The following ASXL1 variants were observed in gnomAD, a reference collection of about 807,000 sequenced individuals.
ASXL1 encodes ASXL transcriptional regulator 1, also known as polycomb group protein ASXL1.
Under a neutral mutation model 89.1 loss-of-function variants are expected in ASXL1, and 65 were observed. The ratio of observed to expected loss-of-function variants is 0.73; its 90% CI spans 0.60 to 0.90. The LOEUF (loss-of-function observed/expected upper bound fraction) is 0.90. Among genes scored for constraint, ASXL1 ranks in the 40% least tolerant of loss-of-function variants. ASXL1 has a pLI of 0.00. For missense variants in ASXL1, 1,786 were observed against 1,942.9 expected (o/e 0.92, Z 1.52); for synonymous variants, 739 against 746.9 (o/e 0.99, Z 0.17).
intron 4 of ASXL1, among the ~76,000 whole-genome samples, chr20:32,384,765 C>T (rs575708062): frequency 1.3e-5 from 2 of 152,050 alleles, no homozygotes; most frequent in African/African-American, 4.8e-5. Context: ...GGTCAAGTAG[C>T]AGTAGTTTGA....
At chr20:32,373,648 CT>C (rs1463005844) in intron 4 of ASXL1, among the ~76,000 whole-genome samples, 2 of 152,104 alleles carry the variant, frequency 1.3e-5, no homozygotes, top group Non-Finnish European at 2.9e-5. Flanking sequence ...GGGTGGATCA[CT>C]TGAGGTCAGG....
In ASXL1 at chr20:32,431,396, G is replaced by A. The variant is rs144349534; in HGVS notation, c.794G>A (p.Arg265His). 3.8e-5 allele frequency: 61 copies of A among 1,614,046 alleles called. No homozygotes were observed. The highest frequency in any genetic ancestry group is 4.4e-5 in the Non-Finnish European group (52 of 1,180,034). Reference sequence around the variant, plus strand: ...TCCATTCTTGTCAACACCAACCTCCGTGCCCTGATCAACTCTCGGACCTTC... The same window carrying A: ...TCCATTCTTGTCAACACCAACCTCCATGCCCTGATCAACTCTCGGACCTTC... ...PGSILVNTNL[R>H]ALINSRTFHA... Residue 265 changes from arginine (R) to histidine (H), a missense_variant, in exon 9 of 13, where the codon CGT becomes CAT. Transcript: ENST00000375687.
Position 32,407,217 on chromosome 20 carries a change from A to G in ASXL1, c.253-20911A>G, listed in dbSNP as rs371979919. On this transcript the variant is annotated intron_variant, in intron 4 of 12. Transcript: ENST00000375687. Reference sequence around the variant, plus strand: ...AAATTAGCTGGGTGTGGTGGAGGGTACCTGTAATTCCAGCTACTCAGAAGG... The same window carrying G: ...AAATTAGCTGGGTGTGGTGGAGGGTGCCTGTAATTCCAGCTACTCAGAAGG... 1.5e-4 allele frequency among the ~76,000 whole-genome samples: 23 copies of G among 152,030 alleles called. No homozygotes were observed. The East Asian group carries it at 4.1e-3, about 27-fold the overall frequency.
rs150135519 is a variant in ASXL1 at position 32,403,401 on chromosome 20, A to G, written c.253-24727A>G. On this transcript the variant is annotated intron_variant, in intron 4 of 12. Transcript: ENST00000375687. ...GCTATTCTGGTTTCTTTGTCTTTAC[A>G]TGGAAATTTTATTTATTTATTATTT... Among the ~76,000 whole-genome samples, 1,515 of 152,150 alleles carry G rather than the reference A, an allele frequency of 1.0e-2. 28 individuals are homozygous for G. Among genetic ancestry groups the G allele is most frequent in the African/African-American group, 0.035 (1,453 of 41,496 alleles).
rs2011824514 is a variant in ASXL1 at position 32,435,919 on chromosome 20, A to G, written c.3207A>G (p.Val1069=). The part of the protein sequence containing the change: ...MVAPQSWVSR[V]CAVRQKIPDS... ...CTCCTCAGAGCTGGGTGTCTCGAGT[A>G]TGTGCGGTCCGCCAAAAGATCCCAG... Residue 1069 remains valine (V), a synonymous_variant, in exon 13 of 13, where the codon GTA becomes GTG. Transcript: ENST00000375687. 1 of 1,614,080 alleles carries G rather than the reference A, an allele frequency of 6.2e-7. No homozygotes were observed. Among genetic ancestry groups the G allele is most frequent in the African/African-American group, 1.3e-5 (1 of 74,934 alleles).
intron 4 of ASXL1, among the ~76,000 whole-genome samples, chr20:32,380,809 G>A (rs1026493377): frequency 6.6e-6 from 1 of 152,170 alleles, no homozygotes; most frequent in Non-Finnish European, 1.5e-5. Flanking sequence ...AGAAAAGAAT[G>A]ACTGGAGTAA....
intron 8 of ASXL1, chr20:32,430,974 AT>A (rs2011496077): frequency 2.1e-6 from 1 of 486,488 alleles, no homozygotes; most frequent in African/African-American, 1.9e-5. Flanking sequence ...GATAATTCTC[AT>A]GATTTCTCCA....
intron 4 of ASXL1, chr20:32,427,789 A>G (rs1417261648): frequency 5.4e-6 from 2 of 367,598 alleles, no homozygotes; most frequent in Non-Finnish European, 1.1e-5. Context: ...TTTGTATTGT[A>G]ATCAGTTTAA....
chr20:32,359,388 C>T, intron 1 of ASXL1: 7 of 702,478 alleles, frequency 1.0e-5, no homozygotes, highest in South Asian at 8.9e-5. Flanking sequence ...AGCAGCGGTT[C>T]TCTAACTTTA....
At chr20:32,412,335 C>G (rs1425060946) in intron 4 of ASXL1, among the ~76,000 whole-genome samples, 1 of 152,088 alleles carries the variant, frequency 6.6e-6, no homozygotes, top group Non-Finnish European at 1.5e-5. Flanking sequence ...AATTGTTAAC[C>G]CATTCCACTG....
chr20:32,378,195 T>TGTGTGTGTGTGTGTGTG (rs1569255451), intron 4 of ASXL1, among the ~76,000 whole-genome samples: 19 of 147,360 alleles, frequency 1.3e-4, no homozygotes, highest in African/African-American at 4.7e-4. Context: ...TGTGTGTGTG[T>TGTGTGTGTGTGTGTGTG]TTTAATAGAG....
intron 4 of ASXL1, among the ~76,000 whole-genome samples, chr20:32,397,040 T>TC (rs2048775183): frequency 6.7e-6 from 1 of 149,766 alleles, no homozygotes; most frequent in Non-Finnish European, 1.5e-5. Context: ...TTTTTTTTTT[T>TC]TCCCTGTATT....
intron 4 of ASXL1, among the ~76,000 whole-genome samples, chr20:32,416,910 CTG>C (rs1270249388): frequency 1.3e-5 from 2 of 152,146 alleles, no homozygotes; most frequent in African/African-American, 4.8e-5. Context: ...CTTAAAAAGT[CTG>C]TAATTCCTTG....
rs373214138 is a variant in ASXL1, at chr20:32,428,434, G to A, written c.471+12G>A. On this transcript the variant is annotated intron_variant, in intron 6 of 12. Coordinates refer to ENST00000375687, the MANE Select transcript of ASXL1 (RefSeq NM_015338.6). ...GAGCTTCCTCACAGGTAAGGAAGAG[G>A]TAGAGCCTAGCCTGGGAGGATGAAT... The A allele has an allele frequency of 5.6e-6, 9 of 1,595,464 alleles. No individual in the cohort carries two copies. In the African/African-American group the frequency reaches 6.7e-5, roughly 12 times the overall value.
intron 4 of ASXL1, among the ~76,000 whole-genome samples, chr20:32,412,028 T>TTA (rs1253883006): frequency 2.0e-5 from 3 of 152,162 alleles, no homozygotes; most frequent in Non-Finnish European, 2.9e-5. Flanking sequence ...TGGGCTTAGC[T>TTA]TATATTTTCC....
At chr20:32,406,341 C>T (rs894816849) in intron 4 of ASXL1, among the ~76,000 whole-genome samples, 10 of 151,370 alleles carry the variant, frequency 6.6e-5, no homozygotes, top group Admixed American at 5.3e-4. Context: ...TGAACACAGG[C>T]GTTCTAGATC....
intron 4 of ASXL1, among the ~76,000 whole-genome samples, chr20:32,384,464 A>G (rs146685985): frequency 8.2e-4 from 125 of 152,096 alleles, no homozygotes; most frequent in African/African-American, 2.8e-3. Context: ...CCAAAGTGCT[A>G]GGATTACAGG....
At chr20:32,370,610 A>G (rs2048285322) in intron 4 of ASXL1, among the ~76,000 whole-genome samples, 1 of 152,126 alleles carries the variant, frequency 6.6e-6, no homozygotes, top group South Asian at 2.1e-4. Flanking sequence ...AGTCAGTACA[A>G]ACTTTTTCCT....
At position 32,428,406 on chromosome 20, in the gene ASXL1, A is replaced by G. The variant is rs1396093056; in HGVS notation, c.455A>G (p.Tyr152Cys). The change falls in exon 6 of 13, where the codon TAC becomes TGC. Residue 152 changes from tyrosine (Y) to cysteine (C), a missense_variant. By Grantham distance (194) the Tyr-to-Cys change is radical (BLOSUM62 -2). Around this residue, in one of 3 missense-constraint regions of ASXL1, gnomAD observed 332 missense variants for 449.7 expected, o/e 0.74. Transcript: ENST00000375687. ...CCTCTTTCCAATCCCAGGGACAGCT[A>G]CAGAGCTTCCTCACAGGTAAGGAAG... ...SRPLSNPRDS[Y>C]RASSQANKQK... is the part of the protein sequence containing the mutation. The G allele has an allele frequency of 6.2e-7, 1 of 1,613,398 alleles. No homozygotes were observed. The highest frequency in any genetic ancestry group is 8.5e-7 in the Non-Finnish European group (1 of 1,179,446).
Sources: gnomAD v4.1 joint callset for allele counts (sites outside exome capture counted in the v4.1 genomes callset) on GRCh38, gnomAD v4.1.1 for gene constraint, gnomAD v4.1.1 regional missense constraint, MANE v1.5 for transcripts, NCBI Gene and HGNC (gene_info 2026-07-23, HGNC 2026-07-21) for gene names.